The following BAZ2A variants were observed in gnomAD, a reference collection of about 807,000 sequenced individuals.
The protein encoded by BAZ2A is bromodomain adjacent to zinc finger domain protein 2A.
BAZ2A carries 34 observed loss-of-function variants against 199.9 expected under a neutral mutation model. The observed-to-expected ratio is 0.17, with a 90% CI of 0.13 to 0.23. The LOEUF (loss-of-function observed/expected upper bound fraction) is 0.23, where lower values mean the gene tolerates loss of function less well. Among genes scored for constraint, BAZ2A ranks in the 10% least tolerant of loss-of-function variants. The pLI is 1.00. For missense variants in BAZ2A, 2,002 were observed against 2,391.1 expected (o/e 0.84, Z 3.39); for synonymous variants, 857 against 883.9 (o/e 0.97, Z 0.54).
intron 14 of BAZ2A, 105 bp downstream of exon 14, chr12:56,604,968 G>T: frequency 5.6e-6 from 8 of 1,435,450 alleles, no homozygotes; most frequent in Non-Finnish European, 7.5e-6. Flanking sequence ...ATAAGGAGAG[G>T]AGTCAGGAAG....
chr12:56,615,710 A>C (rs1950695010), intron 2 of BAZ2A, 103 bp from the exon 3 acceptor site: 1 of 949,670 alleles, frequency 1.1e-6, no homozygotes, highest in Non-Finnish European at 1.5e-6. Flanking sequence ...GACATGGTAA[A>C]GGGAAGGGGG....
chr12:56,615,662 C>T, intron 2 of BAZ2A, 55 bp from the exon 3 acceptor site: 1 of 1,315,030 alleles, frequency 7.6e-7, no homozygotes, highest in Non-Finnish European at 1.0e-6. Context: ...AGCAACTTTA[C>T]CAAAACAAAC....
rs1886317779 is a variant in BAZ2A, at chr12:56,600,270, T to C, written c.4823A>G (p.His1608Arg). 6.2e-7 allele frequency: 1 copy of C among 1,613,180 alleles called. No individual in the cohort carries two copies. Among genetic ancestry groups the C allele is most frequent in the African/African-American group, 1.3e-5 (1 of 74,918 alleles). The change falls in exon 24 of 29, where the codon CAT becomes CGT. Residue 1608 changes from histidine to arginine, a missense_variant. Around this residue, in one of 6 missense-constraint regions of BAZ2A, gnomAD observed 1,081 missense variants for 1,274.7 expected, o/e 0.85. Transcript: ENST00000549884. ...CAGGGCCTTCTCCAGCACAACCTCA[T>C]GAGTTGGCCAGAGGGGCTCCCGCAG... The part of the protein sequence containing the change: ...RYLREPLWPT[H>R]EVVLEKALLS...
At position 56,606,261 on chromosome 12, in the gene BAZ2A, T is replaced by A; in HGVS notation, c.2245A>T (p.Lys749Ter). 1.2e-6 allele frequency: 2 copies of A among 1,614,066 alleles called. No individual in the cohort carries two copies. The highest frequency in any genetic ancestry group is 1.7e-6 in the Non-Finnish European group (2 of 1,179,906). Residue 749 changes from lysine to a stop codon, truncating the protein, a stop_gained, in exon 12 of 29, where the codon AAG becomes TAG. Transcript: ENST00000549884. LOFTEE classifies it high-confidence loss of function. The stretch of plus-strand genomic sequence containing the variant: ...CATGCACCTACCTTGGATTTCTTCT[T>A]AGCTTCCTTCTGCTTTAAGCTCTTG... ...ETKSLKQKEA[K>*]KKSKAEKEKG...
chr12:56,635,132 C>T (rs565261980), upstream of BAZ2A: 1 of 756,546 alleles, frequency 1.3e-6, no homozygotes, highest in East Asian at 1.3e-4. The surrounding 1 kb of genome is among the most constrained non-coding windows in gnomAD (Gnocchi z 4.1). Flanking sequence ...GAAGGATCCA[C>T]TGGGGGAGAG....
Position 56,610,220 on chromosome 12 carries a change from G to A in BAZ2A, c.1780-5C>T, listed in dbSNP as rs774622071. 1.9e-6 allele frequency: 3 copies of A among 1,613,822 alleles called. No homozygotes were observed. In the South Asian group the frequency reaches 3.3e-5, roughly 18 times the overall value. ...TACCACGTTGCGGCTCAGGTACTAA[G>A]AGGAAGAAGTAAAGTAACATTAATA... is the stretch of plus-strand genomic sequence containing the variant. On this transcript the variant is annotated splice_polypyrimidine_tract_variant and splice_region_variant and intron_variant, in intron 8 of 28. Transcript: ENST00000549884.
At chr12:56,613,739 A>C (rs962997581) in intron 4 of BAZ2A, among the ~76,000 whole-genome samples, 1 of 152,192 alleles carries the variant, frequency 6.6e-6, no homozygotes, top group Non-Finnish European at 1.5e-5. Flanking sequence ...GGCCAAAAGG[A>C]ATACTGGGAA....
intron 10 of BAZ2A, among the ~76,000 whole-genome samples, chr12:56,608,390 T>C (rs566444041): frequency 6.7e-6 from 1 of 149,068 alleles, no homozygotes; most frequent in East Asian, 2.0e-4. Flanking sequence ...AAAAACAAAA[T>C]GAGACTTGTT....
intron 1 of BAZ2A, among the ~76,000 whole-genome samples, chr12:56,622,153 A>G (rs1189785391): frequency 9.2e-5 from 14 of 152,146 alleles, no homozygotes. Context: ...AGCCTGGCCA[A>G]CATGGCGAAA....
intron 3 of BAZ2A, chr12:56,614,364 A>G (rs968602256): frequency 2.7e-5 from 13 of 478,992 alleles, no homozygotes; most frequent in East Asian, 1.3e-4. Flanking sequence ...GGGGTCTGAT[A>G]CAACATCTCT....
Position 56,606,613 on chromosome 12 carries a change from A to ATC in BAZ2A, c.2193+18_2193+19dup. 3.1e-6 allele frequency: 5 copies of ATC among 1,601,390 alleles called. No individual in the cohort carries two copies. Among genetic ancestry groups the ATC allele is most frequent in the Non-Finnish European group, 4.3e-6 (5 of 1,168,536 alleles). On this transcript the variant is annotated intron_variant, in intron 11 of 28. Transcript: ENST00000549884. ...GTAGGAAAAATTAACCTACTGTTTC[A>ATC]TCTCTCTGATGTCCCTCACCTGCCC...
chr12:56,621,139 T>A (rs1950909457), intron 1 of BAZ2A: 1 of 985,258 alleles, frequency 1.0e-6, no homozygotes, highest in Admixed American at 6.2e-5. Flanking sequence ...GGAGGATACA[T>A]GCAACTTCCA....
At chr12:56,637,278 G>C (rs552346038), upstream of BAZ2A, among the ~76,000 whole-genome samples, 2 of 152,334 alleles carry the variant, frequency 1.3e-5, no homozygotes, top group East Asian at 3.9e-4. Flanking sequence ...CTTTTAAATT[G>C]AAATGGTAAA....
At chr12:56,638,167 C>T (rs1032870807), upstream of BAZ2A, 1 of 623,194 alleles carries the variant, frequency 1.6e-6, no homozygotes, top group East Asian at 2.8e-5. Flanking sequence ...CCAAGAGAAT[C>T]AGACAAATTC....
intron 1 of BAZ2A, chr12:56,621,131 AG>A (rs1225297748): frequency 3.0e-6 from 3 of 985,180 alleles, no homozygotes; most frequent in Non-Finnish European, 3.6e-6. Context: ...CCTGGTGTGG[AG>A]GATACATGCA....
At chr12:56,630,091 C>T in intron 1 of BAZ2A, 34 bp downstream of exon 1, 8 of 962,390 alleles carry the variant, frequency 8.3e-6, no homozygotes, top group Middle Eastern at 1.1e-3. Context: ...GGGGCTCCCT[C>T]CCCCTCAGGC....
At chr12:56,598,831 G>A (rs1227606754) in intron 28 of BAZ2A, 37 bp downstream of exon 28, 3 of 1,608,994 alleles carry the variant, frequency 1.9e-6, no homozygotes, top group Admixed American at 1.7e-5. Flanking sequence ...AGTTGCAGCA[G>A]TAGCAAAGAC....
chr12:56,596,669 T>G lies in BAZ2A; in HGVS notation c.*1949A>C, dbSNP rs967376170. The G allele has an allele frequency of 6.6e-6, 1 of 152,634 alleles. No homozygotes were observed. Among genetic ancestry groups the G allele is most frequent in the Admixed American group, 6.5e-5 (1 of 15,284 alleles). 9.5% of individuals were successfully genotyped at this position (152,634 alleles called of 1,614,324 possible). A position where few individuals can be genotyped will look rare whatever the true frequency, so the allele number is the denominator to read the frequency against. ...CCCAACTCTAACAGTTTCAACTGTC[T>G]AACACAAAGTTTGTTACAGCGCAGT... On this transcript the variant is annotated 3_prime_UTR_variant, in exon 29 of 29. Coordinates refer to ENST00000549884, the MANE Select transcript of BAZ2A (RefSeq NM_001300905.2).
intron 4 of BAZ2A, 103 bp downstream of exon 4, chr12:56,613,850 G>T: frequency 7.8e-7 from 1 of 1,282,798 alleles, no homozygotes; most frequent in Non-Finnish European, 1.1e-6. Flanking sequence ...GGAAGCCCCA[G>T]TGCCCCTGAT....
Sources: allele counts gnomAD v4.1 joint callset (sites outside exome capture counted in the v4.1 genomes callset), GRCh38; gene constraint gnomAD v4.1.1; regional missense constraint gnomAD v4.1.1; non-coding constraint Gnocchi (gnomAD v3.1); transcripts MANE v1.5; gene names NCBI Gene and HGNC (gene_info 2026-07-23, HGNC 2026-07-21).